Variants in RSPO4 observed in about 807,000 individuals in gnomAD.
RSPO4 encodes R-spondin-4.
In RSPO4, 23 loss-of-function variants were observed where a neutral mutation model predicts 24.8. The ratio of observed to expected loss-of-function variants is 0.93; its 90% CI spans 0.67 to 1.31. The LOEUF (loss-of-function observed/expected upper bound fraction) is 1.31. RSPO4 is among the 40% of genes most tolerant of loss of function. The pLI is 0.00. For missense variants in RSPO4, 333 were observed against 316.5 expected, an observed-to-expected ratio of 1.05 and a Z score of -0.39; for synonymous variants, 141 against 127.4, an observed-to-expected ratio of 1.11 and a Z score of -0.72.
chr20:977,465 TG>T (rs938605156), intron 1 of RSPO4, among the ~76,000 whole-genome samples: 62 of 152,292 alleles, frequency 4.1e-4, no homozygotes, highest in Admixed American at 2.7e-3. Flanking sequence ...AGGTGTGCTG[TG>T]GGGGCCTGGC....
chr20:964,803 CA>C (rs1462027590), intron 3 of RSPO4, among the ~76,000 whole-genome samples: 1 of 106,634 alleles, frequency 9.4e-6, no homozygotes, highest in Non-Finnish European at 1.9e-5. Context: ...TATATACACA[CA>C]TACACACACA....
chr20:973,260 T>C (rs1984463207), intron 1 of RSPO4, among the ~76,000 whole-genome samples: 1 of 152,072 alleles, frequency 6.6e-6, no homozygotes, highest in Non-Finnish European at 1.5e-5. Flanking sequence ...CAGGATGAGA[T>C]AAGGGGTCAA....
chr20:976,076 C>T (rs747627653), intron 1 of RSPO4, among the ~76,000 whole-genome samples: 7 of 152,190 alleles, frequency 4.6e-5, no homozygotes, highest in Non-Finnish European at 7.3e-5. Context: ...GATCCCTCGT[C>T]TCTGTGGGCC....
chr20:971,158 T>A (rs1044989865), intron 1 of RSPO4, among the ~76,000 whole-genome samples: 3 of 152,260 alleles, frequency 2.0e-5, no homozygotes, highest in Non-Finnish European at 4.4e-5. Flanking sequence ...CTCTTCTAAA[T>A]GTAACAATTT....
At chr20:965,654 C>A (rs114442345) in intron 3 of RSPO4, among the ~76,000 whole-genome samples, 18 of 152,096 alleles carry the variant, frequency 1.2e-4, no homozygotes, top group African/African-American at 4.1e-4. Context: ...GGGAAGAGGG[C>A]GGCACAGAGG....
intron 1 of RSPO4, among the ~76,000 whole-genome samples, chr20:984,164 C>CTTG (rs1456010251): frequency 6.6e-6 from 1 of 151,890 alleles, no homozygotes; most frequent in Non-Finnish European, 1.5e-5. Flanking sequence ...GGTGAAACCC[C>CTTG]GTCTCTACTA....
rs919292096 is a variant in RSPO4 at position 981,456 on chromosome 20, C to T, written c.80-13318G>A. Among the ~76,000 whole-genome samples the T allele has an allele frequency of 6.6e-5, 10 of 152,096 alleles. 1 individual carries two copies. The highest frequency in any genetic ancestry group is 3.9e-4 in the East Asian group (2 of 5,188). On this transcript the variant is annotated intron_variant, in intron 1 of 4. Coordinates refer to ENST00000217260, the MANE Select transcript of RSPO4 (RefSeq NM_001029871.4). The surrounding 1 kb of genome is among the most constrained non-coding windows in gnomAD (Gnocchi z 4.6). Reference sequence around the variant, plus strand: ...ATGAGAAACGCTTGAATCCAGGATGCGGAGGTTGCATGAGCCAAGATTGCA... The same window carrying T: ...ATGAGAAACGCTTGAATCCAGGATGTGGAGGTTGCATGAGCCAAGATTGCA...
chr20:959,566 A>G lies in RSPO4; in HGVS notation c.*791T>C, dbSNP rs1983918024. ...CTTGGGAAAAAGGGGCATGGAACCC[A>G]TGAGAGGGAGGCCTGTGGGGGAGTG... On this transcript the variant is annotated 3_prime_UTR_variant, in exon 5 of 5. Coordinates refer to ENST00000217260, the MANE Select transcript of RSPO4 (RefSeq NM_001029871.4). 6.6e-6 allele frequency: 1 copy of G among 152,518 alleles called. No individual in the cohort carries two copies. Among genetic ancestry groups the G allele is most frequent in the Non-Finnish European group, 1.5e-5 (1 of 68,308 alleles). The allele number at this position is 152,518 out of a possible 1,614,324, so 9.4% of individuals were successfully genotyped here.
rs372324824 is a variant in RSPO4, at chr20:981,440, G to A, written c.80-13302C>T. Among the ~76,000 whole-genome samples the A allele has an allele frequency of 3.9e-3, 587 of 152,278 alleles. 2 individuals carry two copies. The highest frequency in any genetic ancestry group is 0.01 in the Middle Eastern group (3 of 294). On this transcript the variant is annotated intron_variant, in intron 1 of 4. Transcript: ENST00000217260. The surrounding 1 kb of genome is among the most constrained non-coding windows in gnomAD (Gnocchi z 4.6). ...CTCAGGTGGCTGAGGCATGAGAAAC[G>A]CTTGAATCCAGGATGCGGAGGTTGC...
chr20:962,463 A>C (rs887751577), intron 4 of RSPO4, among the ~76,000 whole-genome samples: 10 of 152,102 alleles, frequency 6.6e-5, no homozygotes, highest in Non-Finnish European at 1.5e-4. Context: ...TCCCCTCATG[A>C]TTCCCCAACA....
At chr20:964,751 T>TAC (rs1984129921) in intron 3 of RSPO4, among the ~76,000 whole-genome samples, 2 of 138,948 alleles carry the variant, frequency 1.4e-5, no homozygotes, top group African/African-American at 3.1e-5. Context: ...CACATATATA[T>TAC]ACACATATAT....
rs62187525 is a variant in RSPO4, at chr20:965,590, C to T, written c.410-1470G>A. On this transcript the variant is annotated intron_variant, in intron 3 of 4. Coordinates refer to ENST00000217260, the MANE Select transcript of RSPO4 (RefSeq NM_001029871.4). ...AGGGACTGAGAACCAAGGCGGGAGA[C>T]GGGCAGGAGCTGTGGCCAGAACCCT... 1.1e-3 allele frequency among the ~76,000 whole-genome samples: 172 copies of T among 152,236 alleles called. 1 individual carries two copies. The highest frequency in any genetic ancestry group is 6.8e-3 in the Middle Eastern group (2 of 292).
At chr20:963,801 T>G in intron 4 of RSPO4, 134 bp downstream of exon 4, 1 of 902,452 alleles carries the variant, frequency 1.1e-6, no homozygotes, top group Non-Finnish European at 1.8e-6. Flanking sequence ...TGATGTGTAC[T>G]CCACATGATA....
intron 1 of RSPO4, among the ~76,000 whole-genome samples, chr20:1,000,610 G>A (rs1279354552): frequency 6.6e-6 from 1 of 152,182 alleles, no homozygotes; most frequent in Non-Finnish European, 1.5e-5. Flanking sequence ...AGGACCCTCA[G>A]ATGGGTAAAG....
rs542148188 is a variant in RSPO4, at chr20:970,903, A to G, written c.80-2765T>C. On this transcript the variant is annotated intron_variant, in intron 1 of 4. Transcript: ENST00000217260. This position sits in a 1 kb window ranked among gnomAD's most constrained non-coding sequence, Gnocchi z 4.1. ...GTCACCCAGGCTCCAGTGCAGTGGC[A>G]TGATCCTAAGCTCACTGCAGCCTCA... is the stretch of plus-strand genomic sequence containing the variant. Among the ~76,000 whole-genome samples the G allele has an allele frequency of 6.6e-6, 1 of 152,292 alleles. No individual in the cohort carries two copies. The highest frequency in any genetic ancestry group is 2.4e-5 in the African/African-American group (1 of 41,574).
chr20:966,982 G>A (rs73579408), intron 3 of RSPO4, among the ~76,000 whole-genome samples, 192 bp downstream of exon 3: 1,673 of 152,306 alleles, frequency 0.011, 33 homozygotes, highest in African/African-American at 0.038. Context: ...TAGTAATGGC[G>A]GTTATGTTGG....
At chr20:962,322 G>A (rs989822457) in intron 4 of RSPO4, among the ~76,000 whole-genome samples, 3 of 152,230 alleles carry the variant, frequency 2.0e-5, no homozygotes, top group African/African-American at 7.2e-5. Flanking sequence ...CCTGGGTGAT[G>A]CAGGGAGCTA....
At position 960,179 on chromosome 20, in the gene RSPO4, A is replaced by C; in HGVS notation, c.*178T>G. The C allele has an allele frequency of 1.7e-6, 1 of 598,574 alleles. No homozygotes were observed. The allele number at this position is 598,574 out of a possible 1,614,324, so 37.1% of individuals were successfully genotyped here. A position where few individuals can be genotyped will look rare whatever the true frequency, so the allele number is the denominator to read the frequency against. On this transcript the variant is annotated 3_prime_UTR_variant, in exon 5 of 5. Transcript: ENST00000217260. The stretch of plus-strand genomic sequence containing the variant: ...AGAATGGAGGTGGAAGAAATAAAGG[A>C]AATAAAAAAGAAAAAGAAAGGGAAG...
At chr20:992,826 T>C (rs972089246) in intron 1 of RSPO4, among the ~76,000 whole-genome samples, 1 of 152,098 alleles carries the variant, frequency 6.6e-6, no homozygotes, top group African/African-American at 2.4e-5. Context: ...AGCAATGCGT[T>C]TGTCTATGTT....
Sources: gnomAD v4.1 joint callset for allele counts (sites outside exome capture counted in the v4.1 genomes callset) on GRCh38, gnomAD v4.1.1 for gene constraint, Gnocchi (gnomAD v3.1) non-coding constraint, MANE v1.5 for transcripts, NCBI Gene and HGNC (gene_info 2026-07-23, HGNC 2026-07-21) for gene names.